The following STARD10 variants were observed in gnomAD, a reference collection of about 807,000 sequenced individuals.
STARD10 encodes StAR related lipid transfer domain containing 10, also known as START domain-containing protein 10.
A neutral mutation model predicts 36.0 loss-of-function variants in STARD10; 24 were observed. The observed-to-expected ratio is 0.67, with a 90% CI of 0.48 to 0.94. The LOEUF (loss-of-function observed/expected upper bound fraction) is 0.94, where lower values mean the gene tolerates loss of function less well. STARD10 is among the 40% of genes least tolerant of loss of function. STARD10 has a pLI of 0.00. For missense variants in STARD10, 335 were observed against 396.6 expected (o/e 0.84, Z 1.32); for synonymous variants, 156 against 161.9 (o/e 0.96, Z 0.28).
At chr11:72,785,102 G>T (rs1859054899) in intron 1 of STARD10, among the ~76,000 whole-genome samples, 1 of 152,092 alleles carries the variant, frequency 6.6e-6, no homozygotes, top group African/African-American at 2.4e-5. Context: ...TGTTGGGGGA[G>T]GGGTCAGGGC....
At chr11:72,761,260 A>G (rs372531944) in intron 2 of STARD10, among the ~76,000 whole-genome samples, 6 of 152,102 alleles carry the variant, frequency 3.9e-5, no homozygotes, top group Non-Finnish European at 7.3e-5. Flanking sequence ...CTACTGGTCA[A>G]CGTAAACAAA....
intron 2 of STARD10, among the ~76,000 whole-genome samples, chr11:72,778,951 G>A (rs1858958694): frequency 6.6e-6 from 1 of 152,216 alleles, no homozygotes; most frequent in Non-Finnish European, 1.5e-5. Context: ...CACAAGGAAG[G>A]CCACCTGACA....
At position 72,755,029 on chromosome 11, in the gene STARD10, C is replaced by T; in HGVS notation, c.744G>A (p.Ala248=). Residue 248 remains alanine, a synonymous_variant, in exon 7 of 7, where the codon GCG becomes GCA. Coordinates refer to ENST00000334805, the MANE Select transcript of STARD10 (RefSeq NM_006645.3). ...HPEQSPLPSL[A]LSELSVQHAD... is the part of the protein sequence containing the mutation. ...CATGCTGCACCGACAGCTCCGACAG[C>T]GCCAGGCTCGGCAACGGGCTCTGCT... 1 of 1,613,156 alleles carries T rather than the reference C, an allele frequency of 6.2e-7. No homozygotes were observed. The highest frequency in any genetic ancestry group is 1.1e-5 in the South Asian group (1 of 90,836).
intron 2 of STARD10, chr11:72,780,028 G>T: frequency 3.3e-6 from 1 of 305,810 alleles, no homozygotes. Flanking sequence ...AAGGGAGAAG[G>T]CAAGGAAGAG....
chr11:72,776,172 G>A (rs1858927334), intron 2 of STARD10, among the ~76,000 whole-genome samples: 1 of 152,200 alleles, frequency 6.6e-6, no homozygotes, highest in Non-Finnish European at 1.5e-5. Context: ...GGACCTCTCT[G>A]ATGGCATAGA....
rs1858616428 is a variant in STARD10, at chr11:72,754,809, G to A, written c.*88C>T. The A allele has an allele frequency of 1.3e-6, 2 of 1,514,792 alleles. No individual in the cohort carries two copies. Among genetic ancestry groups the A allele is most frequent in the Non-Finnish European group, 1.8e-6 (2 of 1,130,788 alleles). The allele number at this position is 1,514,792 out of a possible 1,614,324, so 93.8% of individuals were successfully genotyped here. A position where few individuals can be genotyped will look rare whatever the true frequency, so the allele number is the denominator to read the frequency against. On this transcript the variant is annotated 3_prime_UTR_variant, in exon 7 of 7. Transcript: ENST00000334805. Reference sequence around the variant, plus strand: ...TGGGCCTGGCCCGGTGCCACCAGGTGCCGGGTGGGGGAGGGGAGAAAGTGC... The same window carrying A: ...TGGGCCTGGCCCGGTGCCACCAGGTACCGGGTGGGGGAGGGGAGAAAGTGC...
At chr11:72,788,290 G>A (rs891314418) in intron 1 of STARD10, among the ~76,000 whole-genome samples, 3 of 152,204 alleles carry the variant, frequency 2.0e-5, no homozygotes, top group Non-Finnish European at 4.4e-5. Context: ...GTGAGACCAA[G>A]TGTGAAAGGC....
At chr11:72,777,937 AG>A (rs1858947204) in intron 2 of STARD10, among the ~76,000 whole-genome samples, 1 of 152,224 alleles carries the variant, frequency 6.6e-6, no homozygotes, top group South Asian at 2.1e-4. Flanking sequence ...AGGCTGAGGC[AG>A]GAGAGGGGAG....
At chr11:72,760,925 T>G (rs1858707335) in intron 2 of STARD10, among the ~76,000 whole-genome samples, 1 of 152,288 alleles carries the variant, frequency 6.6e-6, no homozygotes, top group African/African-American at 2.4e-5. Flanking sequence ...GAACTGGCAT[T>G]TAGACAGTGC....
chr11:72,783,819 C>G (rs1319908440), intron 1 of STARD10, among the ~76,000 whole-genome samples: 1 of 152,116 alleles, frequency 6.6e-6, no homozygotes, highest in African/African-American at 2.4e-5. Context: ...GCAGTGAGGG[C>G]AGACTGATAG....
intron 2 of STARD10, among the ~76,000 whole-genome samples, chr11:72,774,407 C>T (rs532890866): frequency 2.1e-4 from 32 of 152,254 alleles, no homozygotes; most frequent in African/African-American, 7.2e-4. Context: ...CCACCTGCCC[C>T]GTGCCACCTG....
At chr11:72,777,374 G>T (rs1342657001) in intron 2 of STARD10, among the ~76,000 whole-genome samples, 1 of 152,274 alleles carries the variant, frequency 6.6e-6, no homozygotes. Context: ...GCAGCCCAGA[G>T]AGGGGCAGGA....
chr11:72,754,994 AG>A lies in STARD10; in HGVS notation c.778del (p.Leu260TrpfsTer83), dbSNP rs1267716099. The A allele has an allele frequency of 1.2e-6, 2 of 1,612,748 alleles. No homozygotes were observed. Among genetic ancestry groups the A allele is most frequent in the Non-Finnish European group, 1.7e-6 (2 of 1,179,738 alleles). On this transcript the variant is annotated frameshift_variant, in exon 7 of 7. Coordinates refer to ENST00000334805, the MANE Select transcript of STARD10 (RefSeq NM_006645.3). LOFTEE classifies it high-confidence loss of function. ...CACCGCGCTCTCGTCGATGTTCTCC[AG>A]TGAGTCCGCATGCTGCACCGACAGC... is the stretch of plus-strand genomic sequence containing the variant. Reference protein sequence around the residue: ...SELSVQHADSLENIDESAVAE... With the variant: ...SELSVQHADSXENIDESAVAE...
At chr11:72,768,282 A>G (rs1252555623) in intron 2 of STARD10, among the ~76,000 whole-genome samples, 2 of 151,880 alleles carry the variant, frequency 1.3e-5, no homozygotes, top group Non-Finnish European at 2.9e-5. Flanking sequence ...TTCTCCTCCC[A>G]TGACCCACAC....
chr11:72,758,694 G>T (rs1323511843), intron 3 of STARD10, 61 bp from the exon 4 acceptor site: 2 of 1,285,740 alleles, frequency 1.6e-6, no homozygotes, highest in Non-Finnish European at 2.2e-6. Flanking sequence ...AAGGGAGGGT[G>T]TGGCAGAGGC....
chr11:72,767,763 C>T (rs1858811030), intron 2 of STARD10, among the ~76,000 whole-genome samples: 1 of 152,226 alleles, frequency 6.6e-6, no homozygotes, highest in South Asian at 2.1e-4. Context: ...CTGTGTCAGA[C>T]AGACCTCTGC....
At chr11:72,789,514 A>G (rs943902888) in intron 1 of STARD10, among the ~76,000 whole-genome samples, 1 of 152,108 alleles carries the variant, frequency 6.6e-6, no homozygotes, top group African/African-American at 2.4e-5. Flanking sequence ...TGTCAATGGC[A>G]TTTGCTCCTT....
At chr11:72,759,188 G>A (rs1335992009) in intron 3 of STARD10, 46 bp downstream of exon 3, 1 of 1,605,282 alleles carries the variant, frequency 6.2e-7, no homozygotes, top group East Asian at 2.2e-5. Context: ...TGGGAGGCCT[G>A]GATGGAGGCC....
intron 2 of STARD10, among the ~76,000 whole-genome samples, chr11:72,764,402 C>T (rs191120800): frequency 1.1e-3 from 166 of 152,368 alleles, no homozygotes; most frequent in African/African-American, 3.6e-3. Flanking sequence ...CACTTTATCT[C>T]ATAAAGAGAA....
Sources: gnomAD v4.1 joint callset for allele counts (sites outside exome capture counted in the v4.1 genomes callset) on GRCh38, gnomAD v4.1.1 for gene constraint, MANE v1.5 for transcripts, NCBI Gene and HGNC (gene_info 2026-07-23, HGNC 2026-07-21) for gene names.